The following PALD1 variants were observed in gnomAD, a reference collection of about 807,000 sequenced individuals.
PALD1 encodes the protein paladin.
A neutral mutation model predicts 96.0 loss-of-function variants in PALD1; 57 were observed. The observed-to-expected ratio is 0.59, with a 90% CI of 0.48 to 0.74. The LOEUF is 0.74. Among genes scored for constraint, PALD1 ranks in the 30% least tolerant of loss-of-function variants. The pLI is 0.00. For synonymous variants in PALD1, 464 were observed against 473.6 expected (o/e 0.98, Z 0.26); for missense variants, 1,063 against 1,143.7 (o/e 0.93, Z 1.02).
the PALD1 span, among the ~76,000 whole-genome samples, chr10:70,463,217 A>C: frequency 3.3e-5 from 5 of 152,192 alleles, no homozygotes; most frequent in Non-Finnish European, 5.9e-5. Flanking sequence ...ATCCTGGCTA[A>C]CACGGTGAAA....
intron 1 of PALD1, among the ~76,000 whole-genome samples, chr10:70,487,820 G>A (rs542354429): frequency 3.0e-4 from 46 of 152,306 alleles, no homozygotes; most frequent in Middle Eastern, 6.8e-3. Context: ...CCAACTCCTA[G>A]ACAAGTCTGA....
chr10:70,501,318 G>A (rs1846290745), intron 1 of PALD1, among the ~76,000 whole-genome samples: 1 of 152,302 alleles, frequency 6.6e-6, no homozygotes, highest in South Asian at 2.1e-4. Context: ...GCCTCCCTGG[G>A]CCTCCATGGA....
rs1352667646 is a variant in PALD1, at chr10:70,540,082, G to C, written c.1908+320G>C. 2.0e-5 allele frequency among the ~76,000 whole-genome samples: 3 copies of C among 151,930 alleles called. No homozygotes were observed. The highest frequency in any genetic ancestry group is 4.4e-5 in the Non-Finnish European group (3 of 67,988). On this transcript the variant is annotated intron_variant, in intron 15 of 19. Transcript: ENST00000263563. The surrounding 1 kb of genome is among the most constrained non-coding windows in gnomAD (Gnocchi z 4.2). Reference sequence around the variant, plus strand: ...GTGTACATGTGTTTATTATGTTGTAGGGTGTATGTGTGTGTATTGTGTTAT... The same window carrying C: ...GTGTACATGTGTTTATTATGTTGTACGGTGTATGTGTGTGTATTGTGTTAT...
At chr10:70,460,137 G>A in the PALD1 span, among the ~76,000 whole-genome samples, 600 of 152,228 alleles carry the variant, frequency 3.9e-3, 5 homozygotes, top group Non-Finnish European at 4.4e-3. Context: ...CCCTTCCGCC[G>A]TCTGGGCCCC....
chr10:70,538,805 C>G (rs1350922892), intron 12 of PALD1, 87 bp from the exon 13 acceptor site: 2 of 1,097,742 alleles, frequency 1.8e-6, no homozygotes, highest in Non-Finnish European at 2.8e-6. Context: ...TTCCACCCCA[C>G]CCCCCGTCTG....
intron 1 of PALD1, among the ~76,000 whole-genome samples, chr10:70,512,875 G>A (rs1846539750): frequency 1.3e-5 from 2 of 152,084 alleles, no homozygotes; most frequent in Admixed American, 6.5e-5. Flanking sequence ...CCTTGTTGTT[G>A]CACATTTTTT....
intron 1 of PALD1, among the ~76,000 whole-genome samples, chr10:70,506,290 C>T (rs1396300776): frequency 6.6e-6 from 1 of 152,204 alleles, no homozygotes; most frequent in Non-Finnish European, 1.5e-5. Flanking sequence ...CTGCCTTGTT[C>T]TACTGAGACT....
intron 4 of PALD1, 126 bp downstream of exon 4, chr10:70,530,194 G>A: frequency 1.4e-6 from 1 of 734,784 alleles, no homozygotes; most frequent in Non-Finnish European, 2.1e-6. Context: ...TAGTGGCCTG[G>A]ACCAGGCCCT....
intron 1 of PALD1, among the ~76,000 whole-genome samples, chr10:70,491,407 C>T (rs1453174369): frequency 7.2e-6 from 1 of 139,274 alleles, no homozygotes; most frequent in Admixed American, 7.6e-5. Context: ...TCTGTTCTCC[C>T]TCCCCACCTG....
At chr10:70,514,854 G>C (rs1268626350) in intron 1 of PALD1, among the ~76,000 whole-genome samples, 1 of 152,098 alleles carries the variant, frequency 6.6e-6, no homozygotes, top group Non-Finnish European at 1.5e-5. Flanking sequence ...GGGTTCTCTG[G>C]GTGAAGAGTT....
chr10:70,467,225 G>T, the PALD1 span, among the ~76,000 whole-genome samples: 1 of 152,082 alleles, frequency 6.6e-6, no homozygotes, highest in Non-Finnish European at 1.5e-5. Flanking sequence ...GCCCCCTGGG[G>T]AGCTGGAGTT....
At chr10:70,464,627 T>C in the PALD1 span, among the ~76,000 whole-genome samples, 8 of 10,554 alleles carry the variant, frequency 7.6e-4, no homozygotes, top group South Asian at 6.8e-3. Flanking sequence ...GTACCTCCTT[T>C]TTTTTTTTTT....
intron 2 of PALD1, among the ~76,000 whole-genome samples, chr10:70,526,739 G>T (rs772042312): frequency 6.6e-6 from 1 of 152,174 alleles, no homozygotes; most frequent in Non-Finnish European, 1.5e-5. Context: ...GGAGAGCCAT[G>T]CTGGGGAGGA....
the PALD1 span, among the ~76,000 whole-genome samples, chr10:70,464,395 G>T: frequency 1.3e-5 from 2 of 151,750 alleles, no homozygotes; most frequent in Non-Finnish European, 2.9e-5. Context: ...CGTATTTTTA[G>T]TTGAGATGGG....
chr10:70,476,840 G>A (rs891477048), upstream of PALD1, among the ~76,000 whole-genome samples: 44 of 152,272 alleles, frequency 2.9e-4, no homozygotes, highest in Admixed American at 1.6e-3. Flanking sequence ...GCACACCGCC[G>A]TGGATCCCAG....
At chr10:70,517,222 T>C (rs1846638175) in intron 1 of PALD1, among the ~76,000 whole-genome samples, 1 of 152,100 alleles carries the variant, frequency 6.6e-6, no homozygotes, top group Non-Finnish European at 1.5e-5. Context: ...ATGACGGAGC[T>C]CAGTGGGAAG....
chr10:70,483,135 G>GA (rs1845961967), intron 1 of PALD1, among the ~76,000 whole-genome samples: 1 of 152,162 alleles, frequency 6.6e-6, no homozygotes, highest in South Asian at 2.1e-4. Context: ...GTTGGAGCCT[G>GA]AGGGAGGGAA....
chr10:70,558,009 C>G (rs1410495269), intron 18 of PALD1, among the ~76,000 whole-genome samples: 2 of 141,070 alleles, frequency 1.4e-5, no homozygotes, highest in African/African-American at 5.2e-5. Flanking sequence ...TCATGGTTCA[C>G]TGACTGTAAC....
the PALD1 span, among the ~76,000 whole-genome samples, chr10:70,465,994 C>G: frequency 6.6e-6 from 1 of 152,172 alleles, no homozygotes. Flanking sequence ...TTGGCCTTCA[C>G]TGTTCTGATC....
Sources: allele counts gnomAD v4.1 joint callset (sites outside exome capture counted in the v4.1 genomes callset), GRCh38; gene constraint gnomAD v4.1.1; non-coding constraint Gnocchi (gnomAD v3.1); transcripts MANE v1.5; gene names NCBI Gene and HGNC (gene_info 2026-07-23, HGNC 2026-07-21).